The following CLSTN2 variants were observed in gnomAD, a reference collection of about 807,000 sequenced individuals.
CLSTN2 encodes calsyntenin-2.
In CLSTN2, 48 loss-of-function variants were observed where a neutral mutation model predicts 101.2. The ratio of observed to expected loss-of-function variants is 0.47; its 90% CI spans 0.38 to 0.60. The LOEUF is 0.60. Among genes scored for constraint, CLSTN2 ranks in the 20% least tolerant of loss-of-function variants. The pLI is 0.00. For missense variants in CLSTN2, 1,160 were observed against 1,238.2 expected, an observed-to-expected ratio of 0.94 and a Z score of 0.95; for synonymous variants, 481 against 463.6, an observed-to-expected ratio of 1.04 and a Z score of -0.48.
At position 140,468,723 on chromosome 3, in the gene CLSTN2, T is replaced by C. The variant is rs181474136; in HGVS notation, c.1344+1992T>C. 1.5e-3 allele frequency among the ~76,000 whole-genome samples: 232 copies of C among 152,356 alleles called. 3 individuals are homozygous for C. The South Asian group carries it at 0.023, about 15-fold the overall frequency. On this transcript the variant is annotated intron_variant, in intron 8 of 16. Coordinates refer to ENST00000458420, the MANE Select transcript of CLSTN2 (RefSeq NM_022131.3). ...TGCCCTTTCCATTATGCCCGGCTGCTGCTTTGGTGTGCCAGCTAATTCGAA... is the reference window on the plus strand; with the variant it reads ...TGCCCTTTCCATTATGCCCGGCTGCCGCTTTGGTGTGCCAGCTAATTCGAA...
At chr3:140,508,497 G>T (rs1271042505) in intron 8 of CLSTN2, 1 of 152,188 alleles carries the variant, frequency 6.6e-6, no homozygotes, top group Non-Finnish European at 1.5e-5. Flanking sequence ...TTTGCAGGAG[G>T]TGTTAGAACC....
chr3:140,001,301 A>G (rs927207090), intron 1 of CLSTN2, among the ~76,000 whole-genome samples: 4 of 151,784 alleles, frequency 2.6e-5, no homozygotes, highest in Non-Finnish European at 4.4e-5. Context: ...TAGCATTGCT[A>G]TCTACTAATC....
intron 8 of CLSTN2, among the ~76,000 whole-genome samples, chr3:140,527,102 A>C (rs1195343371): frequency 8.5e-5 from 13 of 152,210 alleles, no homozygotes; most frequent in African/African-American, 3.1e-4. Flanking sequence ...AATTAAATTG[A>C]AGGGCTTCTT....
At chr3:140,061,734 C>G (rs2008208590) in intron 1 of CLSTN2, among the ~76,000 whole-genome samples, 1 of 152,236 alleles carries the variant, frequency 6.6e-6, no homozygotes. Context: ...CATTCTGCAC[C>G]AAGGCAGATG....
At chr3:140,176,207 A>T (rs2010322179) in intron 2 of CLSTN2, 134 bp downstream of exon 2, 1 of 932,412 alleles carries the variant, frequency 1.1e-6, no homozygotes, top group Non-Finnish European at 1.6e-6. Context: ...TGTGATGTTA[A>T]AGCTGTATGC....
intron 1 of CLSTN2, among the ~76,000 whole-genome samples, chr3:140,108,650 T>C (rs1216014360): frequency 1.3e-5 from 2 of 152,216 alleles, no homozygotes; most frequent in African/African-American, 4.8e-5. Context: ...AAGGGCAAGA[T>C]AAGACAGGGA....
intron 2 of CLSTN2, among the ~76,000 whole-genome samples, chr3:140,301,950 G>T (rs147869565): frequency 6.6e-6 from 1 of 151,764 alleles, no homozygotes; most frequent in Non-Finnish European, 1.5e-5. Flanking sequence ...TACACAGAAT[G>T]GTGCAAAACC....
intron 1 of CLSTN2, among the ~76,000 whole-genome samples, chr3:140,022,540 G>A (rs908759176): frequency 7.2e-5 from 11 of 152,224 alleles, no homozygotes; most frequent in Admixed American, 5.9e-4. Flanking sequence ...CAGGCCAGGA[G>A]ACTGGGCGCT....
At chr3:140,398,390 G>C (rs189177702) in intron 2 of CLSTN2, among the ~76,000 whole-genome samples, 143 of 152,258 alleles carry the variant, frequency 9.4e-4, no homozygotes, top group Non-Finnish European at 7.2e-4. Flanking sequence ...CTTTGATGAA[G>C]AATGCAGTTA....
At chr3:140,110,419 AC>A (rs2009134896) in intron 1 of CLSTN2, among the ~76,000 whole-genome samples, 1 of 152,228 alleles carries the variant, frequency 6.6e-6, no homozygotes, top group South Asian at 2.1e-4. Flanking sequence ...AACATTAAAC[AC>A]CATGGGGCAT....
intron 2 of CLSTN2, among the ~76,000 whole-genome samples, chr3:140,303,780 C>T (rs6784585): frequency 0.36 from 53,975 of 151,536 alleles, 10,873 homozygotes; most frequent in Non-Finnish European, 0.47. Flanking sequence ...CTCCTGTATC[C>T]TAAGAGGCAT....
At chr3:140,186,076 A>T (rs1388160722) in intron 2 of CLSTN2, among the ~76,000 whole-genome samples, 1 of 152,192 alleles carries the variant, frequency 6.6e-6, no homozygotes, top group African/African-American at 2.4e-5. Context: ...GAAGAGTGAA[A>T]GACCCAAGAA....
intron 10 of CLSTN2, among the ~76,000 whole-genome samples, chr3:140,549,545 C>T (rs1935667969): frequency 6.6e-6 from 1 of 150,628 alleles, no homozygotes; most frequent in East Asian, 2.0e-4. Context: ...ATTGTATGTT[C>T]ATTATCCCTA....
chr3:140,212,485 C>T (rs948153020), intron 2 of CLSTN2, among the ~76,000 whole-genome samples: 1 of 152,142 alleles, frequency 6.6e-6, no homozygotes, highest in Non-Finnish European at 1.5e-5. Flanking sequence ...AAGTAGAATG[C>T]CTATAGGCCC....
At chr3:140,184,096 G>A (rs907757378) in intron 2 of CLSTN2, among the ~76,000 whole-genome samples, 1 of 152,166 alleles carries the variant, frequency 6.6e-6, no homozygotes, top group Admixed American at 6.5e-5. Flanking sequence ...TTAATGAGTA[G>A]GCTGTAGGCT....
intron 1 of CLSTN2, among the ~76,000 whole-genome samples, chr3:139,970,662 G>T (rs1320896906): frequency 6.6e-6 from 1 of 152,140 alleles, no homozygotes; most frequent in African/African-American, 2.4e-5. Flanking sequence ...GACCATAGTG[G>T]GCCCTCTGCC....
At chr3:140,100,192 T>G (rs2008942366) in intron 1 of CLSTN2, among the ~76,000 whole-genome samples, 1 of 152,120 alleles carries the variant, frequency 6.6e-6, no homozygotes, top group Non-Finnish European at 1.5e-5. Context: ...ATTCCTTTTT[T>G]CTGAAAGTCC....
intron 2 of CLSTN2, among the ~76,000 whole-genome samples, chr3:140,358,385 T>A (rs1401959314): frequency 6.6e-6 from 1 of 152,138 alleles, no homozygotes; most frequent in Non-Finnish European, 1.5e-5. Flanking sequence ...TTTGGGGGAA[T>A]TTTTAATCTA....
intron 8 of CLSTN2, among the ~76,000 whole-genome samples, chr3:140,478,402 A>C (rs756982116): frequency 6.6e-6 from 1 of 152,036 alleles, no homozygotes; most frequent in Non-Finnish European, 1.5e-5. Flanking sequence ...ATGAAATGCT[A>C]TTCAACAATA....
Sources: allele counts gnomAD v4.1 joint callset (sites outside exome capture counted in the v4.1 genomes callset), GRCh38; gene constraint gnomAD v4.1.1; transcripts MANE v1.5; gene names NCBI Gene and HGNC (gene_info 2026-07-23, HGNC 2026-07-21).